SLC13A3: variants seen among roughly 807,000 people sequenced by gnomAD.
SLC13A3 encodes the protein solute carrier family 13 member 3, also known as Na(+)/dicarboxylate cotransporter 3.
SLC13A3 carries 40 observed loss-of-function variants against 59.0 expected under a neutral mutation model. That is an observed-to-expected ratio of 0.68 (90% CI 0.53 to 0.88). SLC13A3 has a LOEUF of 0.88. SLC13A3 is among the 40% of genes least tolerant of loss of function. The probability of loss-of-function intolerance (pLI) is 0.00; values close to 1 mark genes in which losing one functional copy is unlikely to be tolerated. For missense variants in SLC13A3, 699 were observed against 783.2 expected, an observed-to-expected ratio of 0.89 and a Z score of 1.28; for synonymous variants, 317 against 330.3, an observed-to-expected ratio of 0.96 and a Z score of 0.44.
intron 2 of SLC13A3, 53 bp downstream of exon 2, chr20:46,613,407 G>A: frequency 1.3e-6 from 2 of 1,498,668 alleles, no homozygotes; most frequent in Non-Finnish European, 1.8e-6. Context: ...GGCTCCAGAG[G>A]TGTGGTCCCT....
chr20:46,675,828 G>A (rs2063121573), intron 1 of SLC13A3: 1 of 152,348 alleles, frequency 6.6e-6, no homozygotes, highest in African/African-American at 2.4e-5. Context: ...AACCATGAGA[G>A]GCAACTGCAG....
Position 46,680,756 on chromosome 20 carries a change from ACTCTGCCCTCTCCTGTGTC to A in SLC13A3, c.-31+3621_-31+3639del, listed in dbSNP as rs1258608498. Among the ~76,000 whole-genome samples, 14 of 152,004 alleles carry A rather than the reference ACTCTGCCCTCTCCTGTGTC, an allele frequency of 9.2e-5. No individual in the cohort carries two copies. In the South Asian group the frequency reaches 1.9e-3, roughly 20 times the overall value. ...GTTCTCCCTCTGCCCGCTCCTGTGT[ACTCTGCCCTCTCCTGTGTC>A]CTCTGCCATCTCCTGTGTCCTCCAT... On this transcript the variant is annotated intron_variant, in intron 1 of 6. Transcript: ENST00000372121.
chr20:46,661,344 A>T (rs1350723524), intron 1 of SLC13A3, among the ~76,000 whole-genome samples: 1 of 152,166 alleles, frequency 6.6e-6, no homozygotes, highest in Admixed American at 6.6e-5. Flanking sequence ...CGTAGTATGG[A>T]GTTAACCAGT....
chr20:46,679,907 CAA>C (rs60329236), intron 1 of SLC13A3, among the ~76,000 whole-genome samples: 34 of 100,606 alleles, frequency 3.4e-4, no homozygotes, highest in Admixed American at 5.6e-4. Flanking sequence ...GACTCTGTCT[CAA>C]AAAAAAAAAA....
Position 46,566,394 on chromosome 20 carries a change from C to T in SLC13A3, c.1333-4G>A, listed in dbSNP as rs8116973. The T allele has an allele frequency of 2.7e-5, 43 of 1,611,020 alleles. No individual in the cohort carries two copies. Among genetic ancestry groups the T allele is most frequent in the East Asian group, 4.5e-5 (2 of 44,790 alleles). ...TCCATACAGACAGCCCCGATTCCTG[C>T]GGAGGGAAAGGCATTCCTTCATACC... On this transcript the variant is annotated splice_region_variant and splice_polypyrimidine_tract_variant and intron_variant, in intron 10 of 12. Coordinates refer to ENST00000279027, the MANE Select transcript of SLC13A3 (RefSeq NM_022829.6).
intron 1 of SLC13A3, among the ~76,000 whole-genome samples, chr20:46,627,506 A>G (rs1266431707): frequency 6.6e-6 from 1 of 152,192 alleles, no homozygotes; most frequent in Non-Finnish European, 1.5e-5. Flanking sequence ...GTTGTGATGC[A>G]GGAATGTGGG....
At chr20:46,615,950 G>A (rs139957027) in intron 1 of SLC13A3, among the ~76,000 whole-genome samples, 132 of 152,206 alleles carry the variant, frequency 8.7e-4, no homozygotes, top group African/African-American at 3.0e-3. Context: ...TATCCTTCAG[G>A]ATACCTAAAA....
chr20:46,566,489 T>A, intron 10 of SLC13A3, 99 bp from the exon 11 acceptor site: 7 of 1,343,604 alleles, frequency 5.2e-6, no homozygotes, highest in Non-Finnish European at 6.1e-6. Flanking sequence ...ACCATACCCC[T>A]TCCCAGATGG....
Position 46,604,464 on chromosome 20 carries a change from T to C in SLC13A3, c.542-4427A>G, listed in dbSNP as rs78894001. 5.0e-3 allele frequency among the ~76,000 whole-genome samples: 762 copies of C among 152,248 alleles called. 1 individual carries two copies. The highest frequency in any genetic ancestry group is 8.5e-3 in the Non-Finnish European group (580 of 68,018). On this transcript the variant is annotated intron_variant, in intron 3 of 12. Coordinates refer to ENST00000279027, the MANE Select transcript of SLC13A3 (RefSeq NM_022829.6). ...AACCCAAGCAAGACACAAAAAAAGT[T>C]TGATTTTTTTTCTTTTTTACATGGG...
intron 1 of SLC13A3, among the ~76,000 whole-genome samples, chr20:46,637,830 G>A (rs1420003688): frequency 6.6e-6 from 1 of 152,126 alleles, no homozygotes; most frequent in Non-Finnish European, 1.5e-5. Flanking sequence ...GAAGGCTGGT[G>A]CTAGGGTTCA....
At chr20:46,663,460 G>T (rs1216146380) in intron 1 of SLC13A3, among the ~76,000 whole-genome samples, 2 of 150,708 alleles carry the variant, frequency 1.3e-5, no homozygotes, top group Non-Finnish European at 3.0e-5. Context: ...AAAAAAAAAA[G>T]TTGGGGGGCT....
intron 9 of SLC13A3, among the ~76,000 whole-genome samples, chr20:46,579,248 C>T (rs1197333470): frequency 2.0e-5 from 3 of 152,102 alleles, no homozygotes; most frequent in African/African-American, 7.2e-5. Flanking sequence ...CTGCCTCAGC[C>T]TCCCGAGTAG....
chr20:46,568,708 G>A (rs571523688), intron 10 of SLC13A3, among the ~76,000 whole-genome samples: 2 of 152,296 alleles, frequency 1.3e-5, no homozygotes, highest in South Asian at 4.1e-4. Flanking sequence ...CCACAGCTCT[G>A]GCAAAGAGTC....
chr20:46,622,001 C>A (rs2062620261), intron 1 of SLC13A3, among the ~76,000 whole-genome samples: 1 of 152,132 alleles, frequency 6.6e-6, no homozygotes, highest in South Asian at 2.1e-4. Context: ...CAAATTGTAA[C>A]CTGCAAAGGT....
chr20:46,587,983 C>T (rs1478971459), intron 8 of SLC13A3, 76 bp downstream of exon 8: 11 of 725,282 alleles, frequency 1.5e-5, no homozygotes, highest in Non-Finnish European at 2.3e-5. Flanking sequence ...GCTGCACTGC[C>T]GCCTCTCCAG....
intron 5 of SLC13A3, among the ~76,000 whole-genome samples, chr20:46,593,622 A>T (rs2062281477): frequency 6.6e-6 from 1 of 152,240 alleles, no homozygotes; most frequent in South Asian, 2.1e-4. Context: ...AAATATTAAA[A>T]TATCAGCAAG....
rs565381906 is a variant in SLC13A3 at position 46,662,733 on chromosome 20, T to C, written c.-31+7310A>G. Among the ~76,000 whole-genome samples, 3 of 152,348 alleles carry C rather than the reference T, an allele frequency of 2.0e-5. No individual in the cohort carries two copies. The Middle Eastern group carries it at 0.01, about 518-fold the overall frequency. Reference sequence around the variant, plus strand: ...CTCAGCTCCTATAGGCATGGCATGTTTGAGACAGCACTCTTTTGCTTTTGA... The same window carrying C: ...CTCAGCTCCTATAGGCATGGCATGTCTGAGACAGCACTCTTTTGCTTTTGA... On this transcript the variant is annotated intron_variant, in intron 1 of 12. Transcript: ENST00000290317.
intron 8 of SLC13A3, among the ~76,000 whole-genome samples, chr20:46,586,848 T>A (rs534895869): frequency 1.3e-5 from 2 of 152,330 alleles, no homozygotes; most frequent in South Asian, 2.1e-4. Context: ...GTATTTTGGC[T>A]TTGCAGGCCA....
intron 12 of SLC13A3, among the ~76,000 whole-genome samples, chr20:46,561,735 C>A (rs847062): frequency 5.3e-5 from 8 of 151,262 alleles, no homozygotes; most frequent in Non-Finnish European, 1.2e-4. Context: ...GGGGGACATA[C>A]TGCGTGTGCT....
Sources: allele counts gnomAD v4.1 joint callset (sites outside exome capture counted in the v4.1 genomes callset), GRCh38; gene constraint gnomAD v4.1.1; transcripts MANE v1.5; gene names NCBI Gene and HGNC (gene_info 2026-07-23, HGNC 2026-07-21).